Variants in ZNF385D observed in about 807,000 individuals in gnomAD.
The protein encoded by ZNF385D is zinc finger protein 659.
ZNF385D carries 15 observed loss-of-function variants against 35.8 expected under a neutral mutation model. The observed-to-expected ratio is 0.42, with a 90% confidence interval of 0.28 to 0.64. The LOEUF (loss-of-function observed/expected upper bound fraction) is 0.64, where lower values mean the gene tolerates loss of function less well. Ranked by LOEUF, ZNF385D falls within the 30% of genes least tolerant of loss-of-function variation. The pLI, the probability that ZNF385D is intolerant of heterozygous loss-of-function variation, is 0.23. For synonymous variants in ZNF385D, 212 were observed against 186.8 expected, an observed-to-expected ratio of 1.13 and a Z score of -1.10; for missense variants, 474 against 494.6, an observed-to-expected ratio of 0.96 and a Z score of 0.39.
chr3:21,921,172 G>C (rs1575919907), intron 3 of ZNF385D, among the ~76,000 whole-genome samples: 1 of 136,978 alleles, frequency 7.3e-6, no homozygotes, highest in Non-Finnish European at 1.5e-5. Flanking sequence ...GCAGTGAGCC[G>C]AGATCGCGCC....
chr3:21,456,170 C>T (rs1575177370), intron 4 of ZNF385D, among the ~76,000 whole-genome samples: 1 of 152,144 alleles, frequency 6.6e-6, no homozygotes, highest in Non-Finnish European at 1.5e-5. Flanking sequence ...TTGTGGAAGA[C>T]AGTGTGGTGA....
chr3:22,306,934 T>C (rs1022124438), intron 2 of ZNF385D, among the ~76,000 whole-genome samples: 1 of 152,106 alleles, frequency 6.6e-6, no homozygotes, highest in African/African-American at 2.4e-5. Context: ...CAGAAATAAA[T>C]ACAAGGCTGT....
At chr3:21,702,811 A>G (rs576793522) in intron 1 of ZNF385D, among the ~76,000 whole-genome samples, 2 of 152,342 alleles carry the variant, frequency 1.3e-5, no homozygotes, top group South Asian at 4.1e-4. Context: ...TTGCTAAAAC[A>G]TAACGAGAGT....
At chr3:22,175,012 C>T (rs1166198992) in intron 2 of ZNF385D, among the ~76,000 whole-genome samples, 1 of 151,768 alleles carries the variant, frequency 6.6e-6, no homozygotes, top group Non-Finnish European at 1.5e-5. Context: ...CTTATAGAGT[C>T]TCTTATAAAG....
At chr3:22,344,177 G>GGGGTGTGTGTGTGTGTGTGT (rs1553652922) in intron 2 of ZNF385D, among the ~76,000 whole-genome samples, 2 of 140,846 alleles carry the variant, frequency 1.4e-5, no homozygotes, top group African/African-American at 5.4e-5. Flanking sequence ...GGTGGGGTGG[G>GGGGTGTGTGTGTGTGTGTGT]GTGTGTGTGT....
chr3:22,202,491 C>A (rs1445311521), intron 2 of ZNF385D, among the ~76,000 whole-genome samples: 1 of 152,022 alleles, frequency 6.6e-6, no homozygotes, highest in Non-Finnish European at 1.5e-5. Context: ...GGAGGCAGAG[C>A]AAGATGGCCA....
At chr3:21,966,491 T>A (rs959353647) in intron 3 of ZNF385D, among the ~76,000 whole-genome samples, 1 of 152,220 alleles carries the variant, frequency 6.6e-6, no homozygotes, top group African/African-American at 2.4e-5. Context: ...GGCTTTATAA[T>A]CAGAAATTGT....
intron 1 of ZNF385D, among the ~76,000 whole-genome samples, chr3:21,736,086 T>C (rs950304777): frequency 9.9e-5 from 15 of 152,226 alleles, no homozygotes; most frequent in African/African-American, 3.6e-4. Context: ...TCTATTTCCC[T>C]CTTCCTTGGT....
intron 3 of ZNF385D, among the ~76,000 whole-genome samples, chr3:21,769,907 G>T (rs184295717): frequency 0.13 from 19,624 of 151,452 alleles, 1,597 homozygotes; most frequent in Non-Finnish European, 0.17. Flanking sequence ...CAATGGAACA[G>T]AACAGAGCCC....
chr3:21,940,342 C>T (rs1254677247), intron 3 of ZNF385D, among the ~76,000 whole-genome samples: 2 of 152,178 alleles, frequency 1.3e-5, no homozygotes, highest in African/African-American at 4.8e-5. Flanking sequence ...AAGTTGCTTA[C>T]TCCCCATGTA....
At chr3:22,275,047 C>T (rs905785955) in intron 2 of ZNF385D, among the ~76,000 whole-genome samples, 11 of 152,018 alleles carry the variant, frequency 7.2e-5, no homozygotes, top group African/African-American at 2.4e-4. Flanking sequence ...TATTATCATT[C>T]TACTGTCATT....
chr3:21,462,798 A>G (rs1559314304), intron 4 of ZNF385D, among the ~76,000 whole-genome samples: 1 of 152,158 alleles, frequency 6.6e-6, no homozygotes, highest in Non-Finnish European at 1.5e-5. Context: ...CCTGGCCAAC[A>G]TGGTGAAACC....
At chr3:21,938,530 A>G (rs562815893) in intron 3 of ZNF385D, among the ~76,000 whole-genome samples, 2 of 152,312 alleles carry the variant, frequency 1.3e-5, no homozygotes, top group South Asian at 2.1e-4. Context: ...GATGATAAGC[A>G]TGGGATTTTT....
intron 2 of ZNF385D, among the ~76,000 whole-genome samples, chr3:21,590,807 A>G (rs2125731475): frequency 6.6e-6 from 1 of 152,262 alleles, no homozygotes; most frequent in African/African-American, 2.4e-5. Flanking sequence ...TCTCATTTCC[A>G]TTATATTTTT....
At chr3:22,095,442 T>C (rs555787918) in intron 3 of ZNF385D, among the ~76,000 whole-genome samples, 1 of 152,128 alleles carries the variant, frequency 6.6e-6, no homozygotes, top group South Asian at 2.1e-4. Context: ...AAATATTATC[T>C]ACCTAGTTTT....
intron 2 of ZNF385D, among the ~76,000 whole-genome samples, chr3:22,266,475 T>C (rs116636828): frequency 0.012 from 1,814 of 151,922 alleles, 48 homozygotes; most frequent in Admixed American, 0.058. Flanking sequence ...GACTGCTATC[T>C]TATTTAGCTT....
At chr3:22,028,423 G>C (rs1433027871) in intron 3 of ZNF385D, among the ~76,000 whole-genome samples, 1 of 152,160 alleles carries the variant, frequency 6.6e-6, no homozygotes, top group African/African-American at 2.4e-5. Context: ...AGGCTGACCT[G>C]GTTATGGCCA....
At chr3:21,854,048 T>C (rs1696567518) in intron 3 of ZNF385D, among the ~76,000 whole-genome samples, 1 of 151,946 alleles carries the variant, frequency 6.6e-6, no homozygotes, top group East Asian at 1.9e-4. Flanking sequence ...GTAATTCAGA[T>C]GCATATTTAA....
At chr3:21,877,343 A>G (rs961864742) in intron 3 of ZNF385D, among the ~76,000 whole-genome samples, 1 of 152,064 alleles carries the variant, frequency 6.6e-6, no homozygotes, top group Non-Finnish European at 1.5e-5. Context: ...ATTTTGATCC[A>G]CTAAGGAAAT....
Sources: gnomAD v4.1 joint callset for allele counts (sites outside exome capture counted in the v4.1 genomes callset) on GRCh38, gnomAD v4.1.1 for gene constraint, MANE v1.5 for transcripts, NCBI Gene and HGNC (gene_info 2026-07-23, HGNC 2026-07-21) for gene names.